ASIC2: variants seen among roughly 807,000 people sequenced by gnomAD.
ASIC2 encodes the protein acid sensing ion channel subunit 2.
ASIC2 carries 25 observed loss-of-function variants against 57.3 expected under a neutral mutation model. The observed-to-expected ratio is 0.44, with a 90% CI of 0.32 to 0.61. The LOEUF is 0.61. Ranked by LOEUF, ASIC2 falls within the 20% of genes least tolerant of loss-of-function variation. The pLI, the probability that ASIC2 is intolerant of heterozygous loss-of-function variation, is 0.06. For missense variants in ASIC2, 641 were observed against 738.1 expected (o/e 0.87, Z 1.52); for synonymous variants, 319 against 307.5 (o/e 1.04, Z -0.39).
intron 1 of ASIC2, among the ~76,000 whole-genome samples, chr17:33,911,466 C>T (rs915415238): frequency 1.3e-5 from 2 of 152,182 alleles, no homozygotes; most frequent in Admixed American, 6.5e-5. Flanking sequence ...CTGACTGTTA[C>T]CCCAGTGTTC....
chr17:33,668,860 G>A (rs1185865582), intron 1 of ASIC2, among the ~76,000 whole-genome samples: 5 of 152,212 alleles, frequency 3.3e-5, no homozygotes, highest in Admixed American at 3.3e-4. Context: ...CAGTGCAGTA[G>A]CAGATGCAAA....
chr17:33,406,200 G>A (rs1257359266), intron 1 of ASIC2, among the ~76,000 whole-genome samples: 1 of 152,138 alleles, frequency 6.6e-6, no homozygotes, highest in Non-Finnish European at 1.5e-5. Flanking sequence ...ATTGATATAG[G>A]TAAAGCTTGA....
intron 1 of ASIC2, among the ~76,000 whole-genome samples, chr17:33,261,609 A>G (rs181123546): frequency 6.6e-6 from 1 of 152,304 alleles, no homozygotes; most frequent in East Asian, 1.9e-4. Flanking sequence ...GAGGCACACA[A>G]CACTGATGGT....
chr17:33,351,530 G>GCA (rs1908180462), intron 1 of ASIC2, among the ~76,000 whole-genome samples: 1 of 152,132 alleles, frequency 6.6e-6, no homozygotes, highest in Non-Finnish European at 1.5e-5. Context: ...AGCCCACTGG[G>GCA]CACTTTTCTC....
At chr17:33,295,434 C>G (rs1349601001), upstream of ASIC2, among the ~76,000 whole-genome samples, 1 of 152,242 alleles carries the variant, frequency 6.6e-6, no homozygotes, top group African/African-American at 2.4e-5. Context: ...CTGACCAGTT[C>G]TTTGACCAGC....
chr17:33,263,096 AT>A (rs1350145722), intron 1 of ASIC2, among the ~76,000 whole-genome samples: 1 of 152,220 alleles, frequency 6.6e-6, no homozygotes, highest in Non-Finnish European at 1.5e-5. Flanking sequence ...AGGGAAGGGC[AT>A]CTGTTTGTTA....
intron 1 of ASIC2, among the ~76,000 whole-genome samples, chr17:33,746,345 C>A (rs573505914): frequency 6.9e-6 from 1 of 145,904 alleles, no homozygotes; most frequent in African/African-American, 2.5e-5. Flanking sequence ...TATATACATA[C>A]ATGTATCTAC....
At chr17:33,033,207 G>A (rs1405024161) in intron 3 of ASIC2, among the ~76,000 whole-genome samples, 1 of 152,174 alleles carries the variant, frequency 6.6e-6, no homozygotes, top group Non-Finnish European at 1.5e-5. Flanking sequence ...TAAGACTGGA[G>A]CTCCCCATGC....
chr17:33,490,630 T>C (rs1036724742), intron 1 of ASIC2, among the ~76,000 whole-genome samples: 14 of 152,234 alleles, frequency 9.2e-5, no homozygotes, highest in Non-Finnish European at 1.6e-4. Context: ...CCATCTAAGA[T>C]GTGACTTTGC....
chr17:33,990,174 CA>C (rs1279633134), intron 1 of ASIC2, among the ~76,000 whole-genome samples: 1 of 152,100 alleles, frequency 6.6e-6, no homozygotes, highest in Non-Finnish European at 1.5e-5. Flanking sequence ...TATATAAGTC[CA>C]AAGAGCCAGA....
chr17:33,945,214 A>G (rs427520), intron 1 of ASIC2, among the ~76,000 whole-genome samples: 136,294 of 152,158 alleles, frequency 0.9, 61,293 homozygotes, highest in African/African-American at 0.97. Context: ...TTAGAAAGGG[A>G]GTTACAATGT....
intron 3 of ASIC2, among the ~76,000 whole-genome samples, chr17:33,064,998 C>T (rs2092037116): frequency 6.6e-6 from 1 of 152,080 alleles, no homozygotes; most frequent in Non-Finnish European, 1.5e-5. Flanking sequence ...TGAATTAGAG[C>T]CCAGTCACGT....
chr17:33,357,095 G>C (rs552368058), intron 1 of ASIC2, among the ~76,000 whole-genome samples: 178 of 854 alleles, frequency 0.21, no homozygotes, highest in African/African-American at 0.36. Context: ...TCAGAAGATT[G>C]TAATTATGGT....
chr17:33,262,281 T>C (rs1212081839), intron 1 of ASIC2, among the ~76,000 whole-genome samples: 4 of 148,672 alleles, frequency 2.7e-5, no homozygotes, highest in Non-Finnish European at 4.5e-5. Flanking sequence ...AATTTTCCTA[T>C]GCACAGGAGG....
At chr17:33,881,693 A>G (rs1169718747) in intron 1 of ASIC2, among the ~76,000 whole-genome samples, 3 of 152,206 alleles carry the variant, frequency 2.0e-5, no homozygotes, top group Non-Finnish European at 4.4e-5. Context: ...TGCCCAAGGT[A>G]ATTTATAGAT....
intron 1 of ASIC2, among the ~76,000 whole-genome samples, chr17:34,107,929 T>TA (rs912224154): frequency 1.2e-4 from 19 of 152,214 alleles, no homozygotes; most frequent in African/African-American, 4.6e-4. Context: ...CTCTTTCTCA[T>TA]ACTTTTCCAT....
At chr17:33,534,203 C>T (rs1490151151) in intron 1 of ASIC2, 6 of 152,116 alleles carry the variant, frequency 3.9e-5, no homozygotes. Flanking sequence ...TCAGATCACT[C>T]CCCAGCATCA....
At chr17:33,287,156 G>A (rs977459380) in intron 1 of ASIC2, among the ~76,000 whole-genome samples, 1 of 152,172 alleles carries the variant, frequency 6.6e-6, no homozygotes, top group Non-Finnish European at 1.5e-5. Context: ...CCAGGCATGT[G>A]CCAGTTATTG....
intron 1 of ASIC2, among the ~76,000 whole-genome samples, chr17:33,561,722 A>G (rs1274097256): frequency 2.7e-5 from 4 of 148,002 alleles, no homozygotes; most frequent in Admixed American, 2.0e-4. Context: ...AAGAGCAGGC[A>G]GGAGCCTGGA....
Sources: allele counts gnomAD v4.1 joint callset (sites outside exome capture counted in the v4.1 genomes callset), GRCh38; gene constraint gnomAD v4.1.1; transcripts MANE v1.5; gene names NCBI Gene and HGNC (gene_info 2026-07-23, HGNC 2026-07-21).